CCDC7: variants seen among roughly 807,000 people sequenced by gnomAD.
CCDC7 encodes the protein coiled-coil domain-containing protein 7.
A neutral mutation model predicts 196.9 loss-of-function variants in CCDC7; 183 were observed. The observed-to-expected ratio is 0.93, with a 90% CI of 0.82 to 1.05. CCDC7 has a LOEUF of 1.05. CCDC7 is among the 50% of genes least tolerant of loss of function. The probability of loss-of-function intolerance (pLI) is 0.00; values close to 1 mark genes in which losing one functional copy is unlikely to be tolerated. For synonymous variants in CCDC7, 525 were observed against 484.6 expected (o/e 1.08, Z -1.10); for missense variants, 1,540 against 1,482.2 (o/e 1.04, Z -0.64).
chr10:32,725,385 A>G lies in CCDC7; in HGVS notation c.2570-1349A>G, dbSNP rs560027774. 2.9e-3 allele frequency: 1,377 copies of G among 470,954 alleles called. 20 individuals are homozygous for G. Among genetic ancestry groups the G allele is most frequent in the South Asian group, 0.021 (1,331 of 64,542 alleles). 29.2% of individuals were successfully genotyped at this position (470,954 alleles called of 1,614,324 possible). ...AACACTCTTGCCCAAGACTGAGGGT[A>G]TGTTTCAAATACTGTATTTATTAGT... On this transcript the variant is annotated intron_variant, in intron 25 of 41. Coordinates refer to ENST00000639629, the Ensembl canonical transcript of CCDC7.
chr10:32,805,590 C>T (rs1472575382), intron 30 of CCDC7, among the ~76,000 whole-genome samples: 1 of 152,174 alleles, frequency 6.6e-6, no homozygotes, highest in Non-Finnish European at 1.5e-5. Context: ...AGATATTATA[C>T]TACTGCCTTT....
intron 13 of CCDC7, among the ~76,000 whole-genome samples, chr10:32,557,451 C>G (rs2054556072): frequency 6.6e-6 from 1 of 152,044 alleles, no homozygotes; most frequent in Non-Finnish European, 1.5e-5. Context: ...CACTTCCTCT[C>G]TCTCTTTTCC....
At chr10:32,702,531 T>A (rs903781262) in intron 24 of CCDC7, among the ~76,000 whole-genome samples, 1 of 152,202 alleles carries the variant, frequency 6.6e-6, no homozygotes, top group Non-Finnish European at 1.5e-5. Flanking sequence ...AGATGTCTAT[T>A]AGGTCCGCTT....
In CCDC7 at chr10:32,525,686, C is replaced by T. The variant is rs180921903; in HGVS notation, c.993+7181C>T. Among the ~76,000 whole-genome samples, 6 of 152,270 alleles carry T rather than the reference C, an allele frequency of 3.9e-5. No homozygotes were observed. The East Asian group carries it at 9.6e-4, about 24-fold the overall frequency. ...CAGTCTGAGCTTGTTTGTGTCTGTC[C>T]TTCTTGTGAAGACTTTTAAAGTATT... is the stretch of plus-strand genomic sequence containing the variant. On this transcript the variant is annotated intron_variant, in intron 11 of 41. Coordinates refer to ENST00000639629, the Ensembl canonical transcript of CCDC7.
intron 20 of CCDC7, among the ~76,000 whole-genome samples, chr10:32,638,839 G>A (rs1165866611): frequency 6.6e-6 from 1 of 152,084 alleles, no homozygotes; most frequent in African/African-American, 2.4e-5. Flanking sequence ...GGTAGAATTC[G>A]GCTGTGAATC....
intron 24 of CCDC7, among the ~76,000 whole-genome samples, chr10:32,705,165 A>G (rs1305459159): frequency 6.6e-6 from 1 of 152,114 alleles, no homozygotes; most frequent in Non-Finnish European, 1.5e-5. Flanking sequence ...CCCAATATTA[A>G]ACATTCTTAT....
rs1173645913 is a variant in CCDC7, at chr10:32,807,442, T to C, written c.3097+2344T>C. 6.6e-5 allele frequency among the ~76,000 whole-genome samples: 10 copies of C among 151,900 alleles called. 1 individual carries two copies. Among genetic ancestry groups the C allele is most frequent in the Admixed American group, 3.3e-4 (5 of 15,254 alleles). On this transcript the variant is annotated intron_variant, in intron 30 of 41. Transcript: ENST00000639629. Reference sequence around the variant, plus strand: ...CTCCAAGATGACTGTCTTAAAGATATCTGGCACTCTTCTCAACACATACAA... The same window carrying C: ...CTCCAAGATGACTGTCTTAAAGATACCTGGCACTCTTCTCAACACATACAA...
chr10:32,569,578 C>T (rs1182551311), intron 15 of CCDC7, among the ~76,000 whole-genome samples: 1 of 152,088 alleles, frequency 6.6e-6, no homozygotes, highest in Middle Eastern at 3.2e-3. Context: ...AGGAGCCTGA[C>T]ACCATGCCTG....
chr10:32,666,619 A>T (rs1324661076), intron 21 of CCDC7, among the ~76,000 whole-genome samples: 1 of 148,948 alleles, frequency 6.7e-6, no homozygotes, highest in Non-Finnish European at 1.5e-5. Flanking sequence ...GAGTGAGAAC[A>T]TGTAGTGTTT....
chr10:32,586,723 C>T (rs2059315838), intron 18 of CCDC7, among the ~76,000 whole-genome samples: 1 of 152,078 alleles, frequency 6.6e-6, no homozygotes, highest in African/African-American at 2.4e-5. Context: ...TGTTCTGTTC[C>T]ATTGGTCTAT....
intron 11 of CCDC7, among the ~76,000 whole-genome samples, chr10:32,537,144 C>T (rs933856292): frequency 1.3e-5 from 2 of 152,170 alleles, no homozygotes; most frequent in African/African-American, 4.8e-5. Context: ...CCCTTTTCTC[C>T]TCAACCTCAC....
At chr10:32,487,157 C>T (rs1413843383) in intron 8 of CCDC7, among the ~76,000 whole-genome samples, 2 of 152,072 alleles carry the variant, frequency 1.3e-5, no homozygotes, top group East Asian at 3.9e-4. Flanking sequence ...TCACATAGTC[C>T]CATATTTCTT....
intron 29 of CCDC7, among the ~76,000 whole-genome samples, chr10:32,799,790 AATG>A (rs1453632763): frequency 6.6e-6 from 1 of 152,226 alleles, no homozygotes; most frequent in African/African-American, 2.4e-5. Flanking sequence ...CAATCAGCAT[AATG>A]TCATCAATAT....
At chr10:32,641,814 G>A (rs1016540995) in intron 20 of CCDC7, among the ~76,000 whole-genome samples, 8 of 152,120 alleles carry the variant, frequency 5.3e-5, no homozygotes, top group African/African-American at 1.9e-4. Context: ...TGATGGTGAC[G>A]AACAGATGGG....
upstream of CCDC7, chr10:32,451,494 C>T (rs955931862): frequency 4.2e-6 from 5 of 1,179,906 alleles, no homozygotes; most frequent in African/African-American, 4.7e-5. Flanking sequence ...TTAATGTACT[C>T]TGAGCAAATT....
In CCDC7 at chr10:32,762,033, C is replaced by T. The variant is rs536236074; in HGVS notation, c.2906-16944C>T. Among the ~76,000 whole-genome samples the T allele has an allele frequency of 5.0e-4, 76 of 152,126 alleles. 1 individual carries two copies. The Middle Eastern group carries it at 0.014, about 27-fold the overall frequency. On this transcript the variant is annotated intron_variant, in intron 28 of 41. Coordinates refer to ENST00000639629, the Ensembl canonical transcript of CCDC7. The stretch of plus-strand genomic sequence containing the variant: ...CATTGGGAAACTGAAAAAATATCCA[C>T]ATATTGGGTAGGGAAAGCAAAGACT...
intron 9 of CCDC7, among the ~76,000 whole-genome samples, chr10:32,510,464 C>T (rs1043619186): frequency 2.6e-5 from 4 of 152,090 alleles, no homozygotes; most frequent in Admixed American, 6.6e-5. Context: ...GCAGCAGAAA[C>T]CATGACAAAC....
intron 3 of CCDC7, among the ~76,000 whole-genome samples, chr10:32,458,867 A>G (rs572456652): frequency 1.3e-5 from 2 of 152,230 alleles, no homozygotes; most frequent in South Asian, 4.1e-4. Context: ...ATCCCTGTCA[A>G]AATGATACTG....
intron 41 of CCDC7, among the ~76,000 whole-genome samples, chr10:32,872,259 C>T (rs2094456254): frequency 6.6e-6 from 1 of 152,062 alleles, no homozygotes; most frequent in African/African-American, 2.4e-5. Context: ...TTTTAGGTCT[C>T]TAAGGACTTG....
Sources: allele counts gnomAD v4.1 joint callset (sites outside exome capture counted in the v4.1 genomes callset), GRCh38; gene constraint gnomAD v4.1.1; transcripts MANE v1.5; gene names NCBI Gene and HGNC (gene_info 2026-07-23, HGNC 2026-07-21).